The following FBXL4 variants were observed in gnomAD, a reference collection of about 807,000 sequenced individuals.
FBXL4 encodes F-box/LRR-repeat protein 4.
A neutral mutation model predicts 58.9 loss-of-function variants in FBXL4; 40 were observed. That is an observed-to-expected ratio of 0.68 (90% CI 0.53 to 0.88). FBXL4 has a LOEUF of 0.88. Among genes scored for constraint, FBXL4 ranks in the 40% least tolerant of loss-of-function variants. The pLI is 0.00. For missense variants in FBXL4, 676 were observed against 734.4 expected (o/e 0.92, Z 0.92); for synonymous variants, 263 against 265.5 (o/e 0.99, Z 0.09).
chr6:98,918,748 AAT>A (rs1267031494), intron 4 of FBXL4, among the ~76,000 whole-genome samples: 4 of 152,118 alleles, frequency 2.6e-5, no homozygotes, highest in African/African-American at 9.6e-5. Flanking sequence ...TACATCAAAG[AAT>A]AAGAATATTT....
chr6:98,887,171 T>A (rs1405829197), intron 7 of FBXL4, among the ~76,000 whole-genome samples: 4 of 151,988 alleles, frequency 2.6e-5, no homozygotes, highest in African/African-American at 9.7e-5. Context: ...GAGGCTGAGG[T>A]GGGAAGACTG....
Position 98,868,852 on chromosome 6 carries a change from T to C in FBXL4, c.*5426A>G, listed in dbSNP as rs1271627288. On this transcript the variant is annotated 3_prime_UTR_variant, in exon 10 of 10. Transcript: ENST00000369244. ...GGACTACCTTTTTCCTTTCAAAATG[T>C]AGTCAAATATACCTTTAACAGTATT... 1 of 152,226 alleles carries C rather than the reference T, an allele frequency of 6.6e-6. No homozygotes were observed. The highest frequency in any genetic ancestry group is 6.5e-5 in the Admixed American group (1 of 15,274). The allele number at this position is 152,226 out of a possible 1,614,324, so 9.4% of individuals were successfully genotyped here. A position where few individuals can be genotyped will look rare whatever the true frequency, so the allele number is the denominator to read the frequency against.
In FBXL4 at chr6:98,869,484, T is replaced by C. The variant is rs868409169; in HGVS notation, c.*4794A>G. On this transcript the variant is annotated 3_prime_UTR_variant, in exon 10 of 10. Coordinates refer to ENST00000369244, the MANE Select transcript of FBXL4 (RefSeq NM_001278716.2). Reference sequence around the variant, plus strand: ...TGTGTCTCTATAAAAAATAAAAAAATTAGCCAGGTGTGGTGGTGTCTGTAG... The same window carrying C: ...TGTGTCTCTATAAAAAATAAAAAAACTAGCCAGGTGTGGTGGTGTCTGTAG... The C allele has an allele frequency of 3.9e-5, 6 of 152,232 alleles. No homozygotes were observed. The highest frequency in any genetic ancestry group is 1.4e-4 in the African/African-American group (6 of 41,542). 9.4% of individuals were successfully genotyped at this position (152,232 alleles called of 1,614,324 possible).
rs1311369779 is a variant in FBXL4 at position 98,917,393 on chromosome 6, A to G, written c.839T>C (p.Phe280Ser). 3.1e-6 allele frequency: 5 copies of G among 1,607,330 alleles called. No homozygotes were observed. The highest frequency in any genetic ancestry group is 4.3e-6 in the Non-Finnish European group (5 of 1,176,400). ...GCTTACCTCATAAGGTAGTTTATCAAAATACCCATTATTTGGCCCTTCCCC... is the reference window on the plus strand; with the variant it reads ...GCTTACCTCATAAGGTAGTTTATCAGAATACCCATTATTTGGCCCTTCCCC... The part of the protein sequence containing the change: ...VLGEGPNNGY[F>S]DKLPYELIQL... Residue 280 changes from phenylalanine to serine, a missense_variant, in exon 5 of 10, where the codon TTT becomes TCT. Coordinates refer to ENST00000369244, the MANE Select transcript of FBXL4 (RefSeq NM_001278716.2).
At chr6:98,900,716 A>T (rs1771576515) in intron 6 of FBXL4, among the ~76,000 whole-genome samples, 1 of 152,204 alleles carries the variant, frequency 6.6e-6, no homozygotes, top group South Asian at 2.1e-4. Context: ...TTTAAACAAT[A>T]AAAAAATTCA....
At chr6:98,913,641 G>C (rs944923640) in intron 5 of FBXL4, among the ~76,000 whole-genome samples, 1 of 152,184 alleles carries the variant, frequency 6.6e-6, no homozygotes, top group Admixed American at 6.5e-5. Context: ...CAACATACCA[G>C]AATCTCTGGG....
At chr6:98,922,090 G>T (rs531609713) in intron 4 of FBXL4, among the ~76,000 whole-genome samples, 2 of 152,252 alleles carry the variant, frequency 1.3e-5, no homozygotes, top group African/African-American at 4.8e-5. Flanking sequence ...ACCACGCCTG[G>T]CTAATTTTTG....
intron 4 of FBXL4, among the ~76,000 whole-genome samples, chr6:98,920,862 G>C (rs898965333): frequency 7.0e-6 from 1 of 143,136 alleles, no homozygotes; most frequent in Admixed American, 6.9e-5. Flanking sequence ...ACACATTCTG[G>C]AGAAAGCTCA....
chr6:98,932,927 C>G (rs1773068378), intron 2 of FBXL4, among the ~76,000 whole-genome samples: 1 of 139,456 alleles, frequency 7.2e-6, no homozygotes, highest in African/African-American at 2.6e-5. Context: ...AAAAAAAAAG[C>G]AAGTTTAGAC....
At chr6:98,886,179 T>C (rs1381900793) in intron 7 of FBXL4, among the ~76,000 whole-genome samples, 1 of 152,176 alleles carries the variant, frequency 6.6e-6, no homozygotes, top group Non-Finnish European at 1.5e-5. Context: ...CCACTAATTT[T>C]GAAGCAATTG....
intron 5 of FBXL4, among the ~76,000 whole-genome samples, chr6:98,911,523 G>A (rs1163236274): frequency 2.6e-5 from 4 of 152,184 alleles, no homozygotes; most frequent in East Asian, 1.9e-4. Context: ...CGCGGATCAC[G>A]AAAATCTGCG....
chr6:98,904,666 A>G (rs1771730820), intron 6 of FBXL4, among the ~76,000 whole-genome samples: 1 of 151,700 alleles, frequency 6.6e-6, no homozygotes, highest in Non-Finnish European at 1.5e-5. Context: ...AAAATAACAG[A>G]AAATTTCTCT....
chr6:98,920,735 T>C (rs917265686), intron 4 of FBXL4, among the ~76,000 whole-genome samples: 15 of 151,428 alleles, frequency 9.9e-5, no homozygotes, highest in African/African-American at 3.4e-4. Context: ...TCTGGAAAAC[T>C]AAAGCCAGAA....
intron 5 of FBXL4, among the ~76,000 whole-genome samples, chr6:98,917,170 A>T (rs1370950676): frequency 1.3e-5 from 2 of 152,210 alleles, no homozygotes; most frequent in African/African-American, 4.8e-5. Context: ...TTACCCAGAA[A>T]CACTAATGCC....
intron 8 of FBXL4, among the ~76,000 whole-genome samples, chr6:98,880,219 T>C (rs1288633197): frequency 2.0e-5 from 3 of 152,190 alleles, no homozygotes; most frequent in African/African-American, 7.2e-5. Context: ...CTTACTGAAC[T>C]ATCGGCATTT....
In FBXL4 at chr6:98,927,004, G is replaced by C; in HGVS notation, c.-16C>G. On this transcript the variant is annotated 5_prime_UTR_variant, in exon 4 of 10. Transcript: ENST00000369244. ...CCGGTGACATCTAGATGTGAATTAT[G>C]AAGCTTCAAAAGGTCAGGTGTCCTC... The C allele has an allele frequency of 6.2e-7, 1 of 1,607,648 alleles. No individual in the cohort carries two copies. The highest frequency in any genetic ancestry group is 8.5e-7 in the Non-Finnish European group (1 of 1,175,690).
Position 98,874,302 on chromosome 6 carries a change from G to A in FBXL4, c.1842C>T (p.Phe614=). The A allele has an allele frequency of 6.3e-7, 1 of 1,598,142 alleles. No individual in the cohort carries two copies. The highest frequency in any genetic ancestry group is 8.5e-7 in the Non-Finnish European group (1 of 1,175,588). Residue 614 remains phenylalanine (F), a synonymous_variant, in exon 10 of 10, where the codon TTC becomes TTT. Coordinates refer to ENST00000369244, the MANE Select transcript of FBXL4 (RefSeq NM_001278716.2). ...LELNASFPKV[F]IKKSFTQ is the part of the protein sequence containing the mutation. Reference sequence around the variant, plus strand: ...GTCACTGAGTAAAGCTCTTTTTTATGAACACTTTTGGAAAGCTTGCATTCA... The same window carrying A: ...GTCACTGAGTAAAGCTCTTTTTTATAAACACTTTTGGAAAGCTTGCATTCA...
At chr6:98,924,705 G>A (rs1352183567) in intron 4 of FBXL4, among the ~76,000 whole-genome samples, 2 of 152,190 alleles carry the variant, frequency 1.3e-5, no homozygotes, top group Non-Finnish European at 2.9e-5. Context: ...GGAAAAAAAA[G>A]TAAAGATTAT....
intron 2 of FBXL4, among the ~76,000 whole-genome samples, chr6:98,932,461 A>C (rs550143879): frequency 3.3e-5 from 5 of 152,328 alleles, no homozygotes; most frequent in African/African-American, 1.2e-4. Flanking sequence ...AACGAAGTTA[A>C]ATAATACAAT....
Sources: gnomAD v4.1 joint callset for allele counts (sites outside exome capture counted in the v4.1 genomes callset) on GRCh38, gnomAD v4.1.1 for gene constraint, MANE v1.5 for transcripts, NCBI Gene and HGNC (gene_info 2026-07-23, HGNC 2026-07-21) for gene names.